NDST3: variants seen among roughly 807,000 people sequenced by gnomAD.
NDST3 encodes the protein N-deacetylase and N-sulfotransferase 3.
A neutral mutation model predicts 96.1 loss-of-function variants in NDST3; 58 were observed. That is an observed-to-expected ratio of 0.60 (90% CI 0.49 to 0.75). The LOEUF is 0.75. NDST3 is among the 30% of genes least tolerant of loss of function. The pLI, the probability that NDST3 is intolerant of heterozygous loss-of-function variation, is 0.00. For synonymous variants in NDST3, 333 were observed against 359.7 expected, an observed-to-expected ratio of 0.93 and a Z score of 0.84; for missense variants, 788 against 1,034.2, an observed-to-expected ratio of 0.76 and a Z score of 3.27.
Position 118,237,170 on chromosome 4 carries a change from A to G in NDST3, c.2068A>G (p.Ile690Val). 1 of 1,613,658 alleles carries G rather than the reference A, an allele frequency of 6.2e-7. No individual in the cohort carries two copies. The highest frequency in any genetic ancestry group is 8.5e-7 in the Non-Finnish European group (1 of 1,179,776). The change falls in exon 10 of 14, where the codon ATT (isoleucine) becomes GTT (valine). Residue 690 changes from isoleucine (I) to valine (V), a missense_variant. By Grantham distance (29) the Ile-to-Val change is conservative. This residue lies in a region of NDST3 where 490 missense variants were observed against 708.8 expected (regional missense o/e 0.69). Coordinates refer to ENST00000296499, the MANE Select transcript of NDST3 (RefSeq NM_004784.3). ...RAASLVPKAK[I>V]ITILIDPSDR... ...TGCTTCTCTGGTTCCCAAAGCCAAGATTATCACCATTCTCATTGACCCTTC... is the reference window on the plus strand; with the variant it reads ...TGCTTCTCTGGTTCCCAAAGCCAAGGTTATCACCATTCTCATTGACCCTTC...
At chr4:118,220,403 G>A (rs1739462213) in intron 6 of NDST3, among the ~76,000 whole-genome samples, 1 of 151,912 alleles carries the variant, frequency 6.6e-6, no homozygotes, top group Non-Finnish European at 1.5e-5. Context: ...GTTGAACAAT[G>A]AGAACACATG....
chr4:118,053,753 C>A lies in NDST3; in HGVS notation c.-155-3C>A. 1 of 717,986 alleles carries A rather than the reference C, an allele frequency of 1.4e-6. No homozygotes were observed. The highest frequency in any genetic ancestry group is 2.2e-6 in the Non-Finnish European group (1 of 464,438). 44.5% of individuals were successfully genotyped at this position (717,986 alleles called of 1,614,324 possible). A position where few individuals can be genotyped will look rare whatever the true frequency, so the allele number is the denominator to read the frequency against. On this transcript the variant is annotated splice_polypyrimidine_tract_variant and splice_region_variant and intron_variant, in intron 1 of 13. Transcript: ENST00000296499. Reference sequence around the variant, plus strand: ...CTGTTTTATATTCTTTTCTATTTTTCAGACTGTATTTTCTGTGAGTCCTGA... The same window carrying A: ...CTGTTTTATATTCTTTTCTATTTTTAAGACTGTATTTTCTGTGAGTCCTGA...
intron 6 of NDST3, among the ~76,000 whole-genome samples, chr4:118,144,571 T>C (rs1733805044): frequency 6.6e-6 from 1 of 152,138 alleles, no homozygotes; most frequent in Non-Finnish European, 1.5e-5. Flanking sequence ...TAGAAAGTTG[T>C]GTAGAGAAAG....
At chr4:118,131,238 T>G (rs1341910473) in intron 4 of NDST3, among the ~76,000 whole-genome samples, 1 of 142,298 alleles carries the variant, frequency 7.0e-6, no homozygotes. Context: ...CTAGATCTTA[T>G]AGGTGTGCTA....
intron 6 of NDST3, among the ~76,000 whole-genome samples, chr4:118,217,952 G>A (rs905746613): frequency 2.0e-5 from 3 of 152,006 alleles, no homozygotes; most frequent in Admixed American, 6.6e-5. Flanking sequence ...TACAAGAAAT[G>A]GATAAATTCC....
rs192459665 is a variant in NDST3 at position 118,089,003 on chromosome 4, T to G, written c.982-16015T>G. Among the ~76,000 whole-genome samples the G allele has an allele frequency of 1.6e-4, 25 of 152,106 alleles. 1 individual carries two copies. The highest frequency in any genetic ancestry group is 5.3e-4 in the African/African-American group (22 of 41,552). ...TCATAGTTTCAGGAAATGACCAATTTAACTCCTATCTGGAATTTGTGATAT... is the reference window on the plus strand; with the variant it reads ...TCATAGTTTCAGGAAATGACCAATTGAACTCCTATCTGGAATTTGTGATAT... On this transcript the variant is annotated intron_variant, in intron 2 of 13. Coordinates refer to ENST00000296499, the MANE Select transcript of NDST3 (RefSeq NM_004784.3).
intron 1 of NDST3, among the ~76,000 whole-genome samples, chr4:118,052,105 T>G (rs1470063227): frequency 6.6e-6 from 1 of 152,014 alleles, no homozygotes; most frequent in Non-Finnish European, 1.5e-5. Context: ...CCAGCACTAT[T>G]CAAAATAGTA....
At position 118,255,861 on chromosome 4, in the gene NDST3, GA is replaced by G. The variant is rs1560751360; in HGVS notation, c.*156del. On this transcript the variant is annotated 3_prime_UTR_variant, in exon 14 of 14. Transcript: ENST00000296499. ...CCATGTGCTGGCACGTGGATGATTA[GA>G]AAAAAAGAAAAAGTATGTGTTACAA... is the stretch of plus-strand genomic sequence containing the variant. 2 of 898,432 alleles carry G rather than the reference GA, an allele frequency of 2.2e-6. No individual in the cohort carries two copies. Among genetic ancestry groups the G allele is most frequent in the Non-Finnish European group, 3.2e-6 (2 of 628,308 alleles). 55.7% of individuals were successfully genotyped at this position (898,432 alleles called of 1,614,324 possible).
intron 2 of NDST3, among the ~76,000 whole-genome samples, chr4:118,088,503 A>G (rs1728610919): frequency 1.3e-5 from 2 of 152,096 alleles, no homozygotes; most frequent in South Asian, 4.1e-4. Flanking sequence ...GCTGCACATT[A>G]TACCTTCTCA....
chr4:118,173,404 G>T (rs1348508826), intron 6 of NDST3, among the ~76,000 whole-genome samples: 1 of 151,938 alleles, frequency 6.6e-6, no homozygotes, highest in Non-Finnish European at 1.5e-5. Context: ...ACAGAATTTG[G>T]TCACACTTCT....
At chr4:118,224,265 T>G (rs1739728421) in intron 6 of NDST3, among the ~76,000 whole-genome samples, 3 of 152,052 alleles carry the variant, frequency 2.0e-5, no homozygotes, top group Admixed American at 1.3e-4. Context: ...TTATGAAATA[T>G]AAGAAAATTT....
chr4:118,115,487 G>T (rs4576085), intron 4 of NDST3, among the ~76,000 whole-genome samples: 114,382 of 151,974 alleles, frequency 0.75, 45,699 homozygotes, highest in South Asian at 0.92. Context: ...TGAGGGAAAA[G>T]AGCAGGTAGG....
intron 2 of NDST3, among the ~76,000 whole-genome samples, chr4:118,070,464 T>C (rs950238611): frequency 6.6e-6 from 1 of 152,070 alleles, no homozygotes; most frequent in Non-Finnish European, 1.5e-5. Context: ...AATAACATTA[T>C]CCATCTGTTA....
chr4:118,234,407 C>T (rs1446784527), intron 9 of NDST3, among the ~76,000 whole-genome samples: 1 of 151,840 alleles, frequency 6.6e-6, no homozygotes, highest in Non-Finnish European at 1.5e-5. Flanking sequence ...GAGTGAGACC[C>T]TCTCTCAAAA....
At chr4:118,044,070 T>C (rs1724615424) in intron 1 of NDST3, among the ~76,000 whole-genome samples, 1 of 152,206 alleles carries the variant, frequency 6.6e-6, no homozygotes, top group Non-Finnish European at 1.5e-5. Context: ...CCACTCTGCC[T>C]CATCACAGAT....
Position 118,113,866 on chromosome 4 carries a change from T to C in NDST3, c.1070-940T>C, listed in dbSNP as rs888674241. Among the ~76,000 whole-genome samples the C allele has an allele frequency of 3.9e-5, 6 of 152,314 alleles. 1 individual carries two copies. Among genetic ancestry groups the C allele is most frequent in the African/African-American group, 1.4e-4 (6 of 41,572 alleles). ...AATTTTGAAATGACTAGTATTATGATATTCCAGGACAGTAGTGAGCACCTT... is the reference window on the plus strand; with the variant it reads ...AATTTTGAAATGACTAGTATTATGACATTCCAGGACAGTAGTGAGCACCTT... On this transcript the variant is annotated intron_variant, in intron 3 of 13. Coordinates refer to ENST00000296499, the MANE Select transcript of NDST3 (RefSeq NM_004784.3).
intron 4 of NDST3, among the ~76,000 whole-genome samples, chr4:118,126,745 T>C (rs1732128523): frequency 6.6e-6 from 1 of 151,886 alleles, no homozygotes; most frequent in Non-Finnish European, 1.5e-5. Flanking sequence ...TAGTTCTAAT[T>C]TTAGTTTTTT....
At chr4:118,231,437 A>G (rs973974152) in intron 8 of NDST3, among the ~76,000 whole-genome samples, 2 of 150,486 alleles carry the variant, frequency 1.3e-5, no homozygotes, top group Non-Finnish European at 3.0e-5. Flanking sequence ...TACTATTTAT[A>G]CTACTATTAT....
chr4:118,105,906 T>C (rs1424743684), intron 3 of NDST3, among the ~76,000 whole-genome samples: 2 of 152,206 alleles, frequency 1.3e-5, no homozygotes, highest in East Asian at 3.8e-4. Context: ...TTCAAAATGG[T>C]TGTACCTGTT....
Sources: allele counts gnomAD v4.1 joint callset (sites outside exome capture counted in the v4.1 genomes callset), GRCh38; gene constraint gnomAD v4.1.1; regional missense constraint gnomAD v4.1.1; transcripts MANE v1.5; gene names NCBI Gene and HGNC (gene_info 2026-07-23, HGNC 2026-07-21).